EXOC7: variants seen among roughly 807,000 people sequenced by gnomAD.
EXOC7 encodes the protein exocyst complex component 7, also known as exocyst complex component Exo70.
A neutral mutation model predicts 87.6 loss-of-function variants in EXOC7; 51 were observed. The observed-to-expected ratio is 0.58, with a 90% CI of 0.46 to 0.73. The LOEUF is 0.73. Ranked by LOEUF, EXOC7 falls within the 30% of genes least tolerant of loss-of-function variation. EXOC7 has a pLI of 0.00. For synonymous variants in EXOC7, 327 were observed against 357.1 expected (o/e 0.92, Z 0.95); for missense variants, 744 against 888.4 (o/e 0.84, Z 2.07).
intron 2 of EXOC7, chr17:76,103,077 G>A: frequency 2.1e-6 from 1 of 475,836 alleles, no homozygotes; most frequent in Non-Finnish European, 3.8e-6. Flanking sequence ...CAACTGGTCA[G>A]ACTCACTGAG....
In EXOC7 at chr17:76,103,709, G is replaced by A. The variant is rs755514273; in HGVS notation, c.-17C>T. The A allele has an allele frequency of 1.9e-6, 3 of 1,598,232 alleles. No homozygotes were observed. The highest frequency in any genetic ancestry group is 1.7e-5 in the Admixed American group (1 of 57,828). On this transcript the variant is annotated 5_prime_UTR_variant, in exon 1 of 19. Transcript: ENST00000589210. The stretch of plus-strand genomic sequence containing the variant: ...GGGAATCATCGCTCTGAACCCCGCG[G>A]CTCCCACTCCCCAGTATCTTTCCTC...
Position 76,088,446 on chromosome 17 carries a change from G to A in EXOC7, c.1299+18C>T. Reference sequence around the variant, plus strand: ...TGCTGGGCCGGGAGGGAGGGAGAAAGGGGAGGACAGCAGGGACCTTGATGT... The same window carrying A: ...TGCTGGGCCGGGAGGGAGGGAGAAAAGGGAGGACAGCAGGGACCTTGATGT... On this transcript the variant is annotated intron_variant, in intron 10 of 18. Transcript: ENST00000589210. The A allele has an allele frequency of 2.5e-6, 4 of 1,610,140 alleles. No homozygotes were observed. In the South Asian group the frequency reaches 3.3e-5, roughly 13 times the overall value.
chr17:76,082,419 G>A lies in EXOC7; in HGVS notation c.*1229C>T. On this transcript the variant is annotated 3_prime_UTR_variant, in exon 19 of 19. Transcript: ENST00000589210. The stretch of plus-strand genomic sequence containing the variant: ...GGTTCGCTCTTCCGCTCATGTTGAG[G>A]GGACCTTGAAGAACAGCTCCTTTCC... 6.5e-7 allele frequency: 1 copy of A among 1,539,036 alleles called. No individual in the cohort carries two copies. The highest frequency in any genetic ancestry group is 2.3e-5 in the East Asian group (1 of 44,142).
At chr17:76,088,603 C>T (rs778484078) in intron 9 of EXOC7, 41 bp from the exon 10 acceptor site, 1 of 1,602,354 alleles carries the variant, frequency 6.2e-7, no homozygotes. Flanking sequence ...CCTCCAGTCG[C>T]TCTGTGAGCA....
At chr17:76,101,466 G>A (rs2068058052) in intron 3 of EXOC7, 90 bp from the exon 4 acceptor site, 1 of 1,525,398 alleles carries the variant, frequency 6.6e-7, no homozygotes, top group Admixed American at 2.1e-5. Flanking sequence ...AATTAATACA[G>A]GGGACTCCAG....
intron 7 of EXOC7, chr17:76,090,545 G>T: frequency 6.7e-7 from 1 of 1,482,748 alleles, no homozygotes. Flanking sequence ...AGGGCCCTGA[G>T]CCCCTCCTCT....
intron 2 of EXOC7, among the ~76,000 whole-genome samples, chr17:76,102,523 C>T (rs2144715903): frequency 6.6e-6 from 1 of 152,096 alleles, no homozygotes; most frequent in Non-Finnish European, 1.5e-5. Context: ...GGAGGACTGC[C>T]TGAGCCCAGG....
chr17:76,103,403 G>T lies in EXOC7; in HGVS notation c.84C>A (p.Ile28=). ...LKQEEETLSF[I]RDSLEKSDQL... ...GGTCGCTCTTCTCCAGGCTGTCTCG[G>T]ATGAAGGACAGAGTCTCCTCCTCCT... is the stretch of plus-strand genomic sequence containing the variant. Residue 28 remains isoleucine, a synonymous_variant, in exon 2 of 19, where the codon ATC becomes ATA. Coordinates refer to ENST00000589210, the MANE Select transcript of EXOC7 (RefSeq NM_001013839.4). The T allele has an allele frequency of 6.2e-7, 1 of 1,607,946 alleles. No individual in the cohort carries two copies. The highest frequency in any genetic ancestry group is 2.2e-5 in the East Asian group (1 of 44,810).
At chr17:76,101,245 C>T in intron 4 of EXOC7, 26 bp downstream of exon 4, 1 of 1,614,108 alleles carries the variant, frequency 6.2e-7, no homozygotes, top group Non-Finnish European at 8.5e-7. Flanking sequence ...CCCCAAGCTT[C>T]TCACGTTATT....
At chr17:76,085,898 T>C in intron 13 of EXOC7, 101 bp from the exon 14 acceptor site, 1 of 1,539,216 alleles carries the variant, frequency 6.5e-7, no homozygotes, top group South Asian at 1.2e-5. Context: ...CTCCTCGTCC[T>C]GCCTCAGGAG....
chr17:76,103,584 T>A, intron 1 of EXOC7, 49 bp downstream of exon 1: 3 of 1,608,630 alleles, frequency 1.9e-6, no homozygotes, highest in Non-Finnish European at 2.5e-6. Flanking sequence ...GCCCCGCTGT[T>A]GGCCCCTTTC....
chr17:76,095,093 TGGGATTACA>T (rs1379055729), intron 5 of EXOC7, among the ~76,000 whole-genome samples: 1 of 152,128 alleles, frequency 6.6e-6, no homozygotes, highest in East Asian at 1.9e-4. Context: ...CTTGAATAGC[TGGGATTACA>T]GGCATGAGCC....
In EXOC7 at chr17:76,090,665, A is replaced by G. The variant is rs2067438116; in HGVS notation, c.901+478T>C. 4.9e-6 allele frequency: 3 copies of G among 613,386 alleles called. No homozygotes were observed. The East Asian group carries it at 8.4e-5, about 17-fold the overall frequency. The allele number at this position is 613,386 out of a possible 1,614,324, so 38.0% of individuals were successfully genotyped here. On this transcript the variant is annotated intron_variant, in intron 7 of 18. Transcript: ENST00000589210. ...CCTGGAGGCCCAGGGAAAGCGGAGA[A>G]GGACCAAGGAGGGGCTGAAGAGCTG... is the stretch of plus-strand genomic sequence containing the variant.
In EXOC7 at chr17:76,081,257, G is replaced by A. The variant is rs752653913; in HGVS notation, c.*2391C>T. 3 of 1,612,806 alleles carry A rather than the reference G, an allele frequency of 1.9e-6. No homozygotes were observed. The highest frequency in any genetic ancestry group is 2.5e-6 in the Non-Finnish European group (3 of 1,179,770). On this transcript the variant is annotated 3_prime_UTR_variant, in exon 19 of 19. Coordinates refer to ENST00000589210, the MANE Select transcript of EXOC7 (RefSeq NM_001013839.4). ...TGGGATCTCTCCTTCCTGGTTCATA[G>A]TTCTCATTCCCACCCCTCAGCGATG...
intron 12 of EXOC7, chr17:76,087,299 A>G: frequency 2.5e-6 from 1 of 398,786 alleles, no homozygotes; most frequent in Non-Finnish European, 4.6e-6. Context: ...TCTGAAGGCC[A>G]GCTGAGCGAG....
intron 5 of EXOC7, among the ~76,000 whole-genome samples, chr17:76,096,483 G>A (rs1182324445): frequency 1.4e-5 from 2 of 147,254 alleles, no homozygotes; most frequent in African/African-American, 5.0e-5. Context: ...CTGCACTCCA[G>A]CGTGGGTGAC....
chr17:76,083,539 C>G lies in EXOC7; in HGVS notation c.*109G>C. On this transcript the variant is annotated 3_prime_UTR_variant, in exon 19 of 19. Coordinates refer to ENST00000589210, the MANE Select transcript of EXOC7 (RefSeq NM_001013839.4). The stretch of plus-strand genomic sequence containing the variant: ...AGCTCCCGGAGGCGTGGAGACAGGT[C>G]TCTGTCCCAGAGGACTTCAAGCTCA... The G allele has an allele frequency of 9.4e-7, 1 of 1,069,428 alleles. No homozygotes were observed. The highest frequency in any genetic ancestry group is 1.4e-6 in the Non-Finnish European group (1 of 697,154). The allele number at this position is 1,069,428 out of a possible 1,614,324, so 66.2% of individuals were successfully genotyped here.
rs914216027 is a variant in EXOC7 at position 76,082,273 on chromosome 17, C to T, written c.*1375G>A. The T allele has an allele frequency of 1.2e-5, 9 of 777,062 alleles. No homozygotes were observed. Among genetic ancestry groups the T allele is most frequent in the Non-Finnish European group, 1.8e-5 (9 of 500,544 alleles). 48.1% of individuals were successfully genotyped at this position (777,062 alleles called of 1,614,324 possible). On this transcript the variant is annotated 3_prime_UTR_variant, in exon 19 of 19. Transcript: ENST00000589210. ...AGGTGACCTCAATCCCCTGATAACC[C>T]ATGCCTTGCACAGCCTAAGAGGGTG...
intron 14 of EXOC7, 54 bp from the exon 15 acceptor site, chr17:76,085,463 C>T (rs1214888159): frequency 1.9e-6 from 3 of 1,558,542 alleles, no homozygotes; most frequent in Non-Finnish European, 2.6e-6. Context: ...TCCTCAGGCC[C>T]AAAGGCTGCG....
Sources: gnomAD v4.1 joint callset for allele counts (sites outside exome capture counted in the v4.1 genomes callset) on GRCh38, gnomAD v4.1.1 for gene constraint, MANE v1.5 for transcripts, NCBI Gene and HGNC (gene_info 2026-07-23, HGNC 2026-07-21) for gene names.